Variants in PHACTR1 observed in about 807,000 individuals in gnomAD.
PHACTR1 encodes phosphatase and actin regulator 1.
In PHACTR1, 16 loss-of-function variants were observed where a neutral mutation model predicts 69.2. The ratio of observed to expected loss-of-function variants is 0.23; its 90% CI spans 0.16 to 0.35. The LOEUF is 0.35. Among genes scored for constraint, PHACTR1 ranks in the 10% least tolerant of loss-of-function variants. PHACTR1 has a pLI of 1.00. For missense variants in PHACTR1, 510 were observed against 734.7 expected (o/e 0.69, Z 3.54); for synonymous variants, 312 against 284.5 (o/e 1.10, Z -0.97).
rs181373050 is a variant in PHACTR1 at position 13,145,772 on chromosome 6, C to A, written c.416-14432C>A. Among the ~76,000 whole-genome samples the A allele has an allele frequency of 1.6e-4, 25 of 152,260 alleles. 3 individuals carry two copies. In the East Asian group the frequency reaches 4.6e-3, roughly 28 times the overall value. On this transcript the variant is annotated intron_variant, in intron 5 of 14. Coordinates refer to ENST00000332995, the MANE Select transcript of PHACTR1 (RefSeq NM_030948.6). ...CAGGAAGTGAGCCCTCATCAGAAGC[C>A]AAAAGGGTCAAGATCTTTATCTTGG...
rs147570374 is a variant in PHACTR1 at position 13,094,625 on chromosome 6, A to T, written c.415+41096A>T. The stretch of plus-strand genomic sequence containing the variant: ...GAGTATCTTTCTGGTTTAGAGAAGG[A>T]AACAGGAGACAGCTAAGGAGCCCAG... On this transcript the variant is annotated intron_variant, in intron 5 of 14. Coordinates refer to ENST00000332995, the MANE Select transcript of PHACTR1 (RefSeq NM_030948.6). 5.1e-4 allele frequency among the ~76,000 whole-genome samples: 77 copies of T among 152,282 alleles called. No homozygotes were observed. In the Middle Eastern group the frequency reaches 0.014, roughly 27 times the overall value.
intron 4 of PHACTR1, among the ~76,000 whole-genome samples, chr6:12,805,806 G>C (rs1259532068): frequency 2.0e-5 from 3 of 151,982 alleles, no homozygotes; most frequent in African/African-American, 7.3e-5. Flanking sequence ...TCACCACATT[G>C]GCCAAGATTG....
intron 4 of PHACTR1, among the ~76,000 whole-genome samples, chr6:12,931,431 G>A (rs142733483): frequency 1.3e-5 from 2 of 152,262 alleles, no homozygotes; most frequent in South Asian, 4.1e-4. Context: ...AGGGGGCTCT[G>A]TTATGCAAAG....
At chr6:12,737,739 C>A (rs1025976795) in intron 3 of PHACTR1, among the ~76,000 whole-genome samples, 1 of 151,844 alleles carries the variant, frequency 6.6e-6, no homozygotes, top group Non-Finnish European at 1.5e-5. Context: ...GGACTACAGG[C>A]GTGTGCCACC....
At chr6:12,825,035 T>C (rs954452871) in intron 4 of PHACTR1, among the ~76,000 whole-genome samples, 6 of 152,112 alleles carry the variant, frequency 3.9e-5, no homozygotes, top group Non-Finnish European at 8.8e-5. Context: ...TCCCAGCACT[T>C]TGAGGGGCCA....
chr6:13,282,013 A>G (rs964603935), intron 12 of PHACTR1, among the ~76,000 whole-genome samples: 1 of 152,180 alleles, frequency 6.6e-6, no homozygotes, highest in African/African-American at 2.4e-5. Context: ...CCACCACTCT[A>G]TTTGATACCT....
At chr6:13,284,827 C>T (rs775271824) in intron 13 of PHACTR1, among the ~76,000 whole-genome samples, 98 of 152,102 alleles carry the variant, frequency 6.4e-4, no homozygotes, top group Admixed American at 1.5e-3. Flanking sequence ...TTGGCTGGGA[C>T]GGAAGCAGCA....
chr6:12,746,944 T>C (rs978576346), intron 3 of PHACTR1, among the ~76,000 whole-genome samples: 11 of 152,236 alleles, frequency 7.2e-5, no homozygotes, highest in African/African-American at 2.7e-4. Flanking sequence ...GTTTATTTCC[T>C]TACATTTTGC....
rs555209378 is a variant in PHACTR1 at position 13,017,013 on chromosome 6, C to T, written c.251-36352C>T. On this transcript the variant is annotated intron_variant, in intron 4 of 14. Coordinates refer to ENST00000332995, the MANE Select transcript of PHACTR1 (RefSeq NM_030948.6). ...ACCAGCATGGCCCACAGGATGAAACCCTGTCTCTACTAAAAATACAAAAAT... is the reference window on the plus strand; with the variant it reads ...ACCAGCATGGCCCACAGGATGAAACTCTGTCTCTACTAAAAATACAAAAAT... Among the ~76,000 whole-genome samples, 22 of 152,082 alleles carry T rather than the reference C, an allele frequency of 1.4e-4. No individual in the cohort carries two copies. In the South Asian group the frequency reaches 3.7e-3, roughly 26 times the overall value.
intron 4 of PHACTR1, among the ~76,000 whole-genome samples, chr6:13,036,151 T>C (rs1198914086): frequency 9.3e-5 from 14 of 150,206 alleles, no homozygotes; most frequent in Non-Finnish European, 1.3e-4. Context: ...AAAAAAAGAC[T>C]GAAGAAAAGA....
intron 5 of PHACTR1, among the ~76,000 whole-genome samples, chr6:13,054,073 A>G (rs1209907546): frequency 2.0e-5 from 3 of 152,198 alleles, no homozygotes; most frequent in African/African-American, 4.8e-5. Context: ...ATGTGGGGGA[A>G]ATCAGCACAG....
At chr6:12,874,923 G>A (rs548836263) in intron 4 of PHACTR1, among the ~76,000 whole-genome samples, 1 of 152,284 alleles carries the variant, frequency 6.6e-6, no homozygotes, top group East Asian at 1.9e-4. Flanking sequence ...TTATTTAGAG[G>A]ATTAGAACTA....
At chr6:13,085,208 ATC>A (rs1176893482) in intron 5 of PHACTR1, among the ~76,000 whole-genome samples, 2 of 151,948 alleles carry the variant, frequency 1.3e-5, no homozygotes, top group African/African-American at 4.8e-5. Context: ...TCCCGTTATA[ATC>A]TCTCATTCCA....
intron 3 of PHACTR1, among the ~76,000 whole-genome samples, chr6:12,733,877 T>C (rs550021739): frequency 3.3e-5 from 5 of 151,736 alleles, no homozygotes; most frequent in Admixed American, 2.0e-4. Flanking sequence ...AATCAAAATA[T>C]ATGAGTCTTA....
chr6:13,066,740 G>A (rs773341202), intron 5 of PHACTR1, among the ~76,000 whole-genome samples: 7 of 152,082 alleles, frequency 4.6e-5, no homozygotes, highest in South Asian at 2.1e-4. Context: ...CCTAAGGTGC[G>A]AGGAAAGCTG....
At chr6:13,164,137 C>T (rs757668575) in intron 6 of PHACTR1, among the ~76,000 whole-genome samples, 1 of 151,570 alleles carries the variant, frequency 6.6e-6, no homozygotes, top group East Asian at 1.9e-4. Flanking sequence ...TATCCGAATT[C>T]GGTTCCACCT....
intron 4 of PHACTR1, among the ~76,000 whole-genome samples, chr6:12,756,105 G>T (rs1767293320): frequency 6.6e-6 from 1 of 152,154 alleles, no homozygotes; most frequent in Non-Finnish European, 1.5e-5. Flanking sequence ...AAAATGTAAA[G>T]TTATTTATGG....
chr6:12,969,694 G>T (rs1793939328), intron 4 of PHACTR1, among the ~76,000 whole-genome samples: 1 of 152,214 alleles, frequency 6.6e-6, no homozygotes, highest in Admixed American at 6.5e-5. Context: ...AGGTGCAGTG[G>T]CTCACGCCTG....
At chr6:12,717,400 C>G (rs770460649) in intron 1 of PHACTR1, 109 bp from the exon 2 acceptor site, 4 of 151,474 alleles carry the variant, frequency 2.6e-5, no homozygotes, top group Admixed American at 6.6e-5. Context: ...CACTTCTCTG[C>G]CTAAGAGATA....
Sources: allele counts gnomAD v4.1 joint callset (sites outside exome capture counted in the v4.1 genomes callset), GRCh38; gene constraint gnomAD v4.1.1; transcripts MANE v1.5; gene names NCBI Gene and HGNC (gene_info 2026-07-23, HGNC 2026-07-21).